Variants in P4HTM observed in about 807,000 individuals in gnomAD.
The protein encoded by P4HTM is prolyl 4-hydroxylase, transmembrane, also known as transmembrane prolyl 4-hydroxylase.
Under a neutral mutation model 55.3 loss-of-function variants are expected in P4HTM, and 33 were observed. The ratio of observed to expected loss-of-function variants is 0.60; its 90% CI spans 0.45 to 0.80. The LOEUF is 0.80. Ranked by LOEUF, P4HTM falls within the 30% of genes least tolerant of loss-of-function variation. The pLI is 0.00. For synonymous variants in P4HTM, 272 were observed against 286.4 expected, an observed-to-expected ratio of 0.95 and a Z score of 0.51; for missense variants, 542 against 696.5, an observed-to-expected ratio of 0.78 and a Z score of 2.50.
At chr3:49,005,412 G>T in intron 6 of P4HTM, 1 of 1,400,880 alleles carries the variant, frequency 7.1e-7, no homozygotes, top group Admixed American at 3.2e-5. Flanking sequence ...CCCCTGTCAA[G>T]CCAGTTCTTT....
intron 2 of P4HTM, 198 bp from the exon 3 acceptor site, chr3:49,001,240 T>G: frequency 1.6e-6 from 1 of 614,544 alleles, no homozygotes; most frequent in Non-Finnish European, 2.9e-6. Flanking sequence ...GGTCCCACAT[T>G]TCCAACGCCA....
chr3:48,990,050 A>C, upstream of P4HTM: 1 of 240,540 alleles, frequency 4.2e-6, no homozygotes, highest in Non-Finnish European at 7.2e-6. This position sits in a 1 kb window ranked among gnomAD's most constrained non-coding sequence, Gnocchi z 7.2. Context: ...CAGCTTGGGA[A>C]GAGAAGCCCC....
At chr3:48,998,677 G>A (rs1003245306) in intron 2 of P4HTM, among the ~76,000 whole-genome samples, 3 of 152,172 alleles carry the variant, frequency 2.0e-5, no homozygotes, top group African/African-American at 7.2e-5. Flanking sequence ...CTTAAAGTGA[G>A]GAAACAGGGC....
At chr3:49,004,699 C>T in intron 5 of P4HTM, 162 bp from the exon 6 acceptor site, 2 of 674,392 alleles carry the variant, frequency 3.0e-6, no homozygotes, top group South Asian at 3.6e-5. Flanking sequence ...TCATGAGTAA[C>T]CCCCTCCTGC....
intron 7 of P4HTM, 75 bp downstream of exon 7, chr3:49,005,942 C>T: frequency 1.3e-6 from 2 of 1,538,880 alleles, no homozygotes; most frequent in South Asian, 2.5e-5. Flanking sequence ...CTCTCCAGGT[C>T]TAAGGATGTG....
intron 2 of P4HTM, among the ~76,000 whole-genome samples, chr3:48,992,542 G>A (rs2092933665): frequency 6.6e-6 from 1 of 151,236 alleles, no homozygotes; most frequent in Non-Finnish European, 1.5e-5. Flanking sequence ...GGAGGCAGAG[G>A]TTGCAGTGAG....
chr3:48,993,859 CAAA>C (rs60867672), intron 2 of P4HTM, among the ~76,000 whole-genome samples: 1 of 43,826 alleles, frequency 2.3e-5, no homozygotes, highest in Non-Finnish European at 4.8e-5. Context: ...GACTCCATCA[CAAA>C]AAAAAAAAAA....
chr3:49,006,904 C>T lies in P4HTM; in HGVS notation c.1506C>T (p.Leu502=), dbSNP rs527458356. 25 of 1,610,958 alleles carry T rather than the reference C, an allele frequency of 1.6e-5. No individual in the cohort carries two copies. In the South Asian group the frequency reaches 2.4e-4, roughly 16 times the overall value. The change falls in exon 9 of 9, where the codon CTC becomes CTT. Residue 502 remains leucine (L), a synonymous_variant. Coordinates refer to ENST00000383729, the MANE Select transcript of P4HTM (RefSeq NM_177939.3). The part of the protein sequence containing the change: ...DRAYRDARVE[L] ...CCTACCGCGATGCGCGCGTGGAACT[C>T]TGAGGGAAGAGTTAGCCCCGGTTCC...
In P4HTM at chr3:49,005,151, G is replaced by A. The variant is rs1157572314; in HGVS notation, c.1073+105G>A. The A allele has an allele frequency of 1.2e-6, 2 of 1,610,248 alleles. No individual in the cohort carries two copies. Among genetic ancestry groups the A allele is most frequent in the Non-Finnish European group, 8.5e-7 (1 of 1,178,764 alleles). ...GGCGTGCCCCTTGGCATGGGGCCAG[G>A]AGATCACTGGGTTATCCCGGTTAGT... On this transcript the variant is annotated intron_variant, in intron 6 of 8. Coordinates refer to ENST00000383729, the MANE Select transcript of P4HTM (RefSeq NM_177939.3).
chr3:49,007,023 C>T lies in P4HTM; in HGVS notation c.*116C>T. ...GTCTGGCCAATGTCTTGCCCCACCCCGCCAGCCGCGATACGGCGCAGTTCC... is the reference window on the plus strand; with the variant it reads ...GTCTGGCCAATGTCTTGCCCCACCCTGCCAGCCGCGATACGGCGCAGTTCC... On this transcript the variant is annotated 3_prime_UTR_variant, in exon 9 of 9. Transcript: ENST00000383729. This position sits in a 1 kb window ranked among gnomAD's most constrained non-coding sequence, Gnocchi z 5.1. The T allele has an allele frequency of 1.2e-6, 1 of 835,850 alleles. No homozygotes were observed. The highest frequency in any genetic ancestry group is 1.9e-6 in the Non-Finnish European group (1 of 534,170). 51.8% of individuals were successfully genotyped at this position (835,850 alleles called of 1,614,324 possible). A position where few individuals can be genotyped will look rare whatever the true frequency, so the allele number is the denominator to read the frequency against.
Position 48,990,914 on chromosome 3 carries a change from G to A in P4HTM, c.436G>A (p.Glu146Lys). 6.2e-7 allele frequency: 1 copy of A among 1,613,040 alleles called. No individual in the cohort carries two copies. Among genetic ancestry groups the A allele is most frequent in the Non-Finnish European group, 8.5e-7 (1 of 1,179,250 alleles). ...RTLSLKPLLF[E>K]IPGFLTDEEC... is the part of the protein sequence containing the mutation. ...CCTCAGCCTCAAGCCGCTGCTCTTC[G>A]GTAAGTCCGCCAGATACTCCTGGGA... is the stretch of plus-strand genomic sequence containing the variant. Residue 146 changes from glutamate (E) to lysine (K), a missense_variant and splice_region_variant, in exon 2 of 9, where the codon GAA becomes AAA. Coordinates refer to ENST00000383729, the MANE Select transcript of P4HTM (RefSeq NM_177939.3). This position sits in a 1 kb window ranked among gnomAD's most constrained non-coding sequence, Gnocchi z 7.2.
In P4HTM at chr3:49,001,395, C is replaced by A. The variant is rs1204770845; in HGVS notation, c.437-43C>A. ...GAGGAAGGTACTGGGTGCACCAGCG[C>A]CCTGGCTCAGTCCTTGGCCTCACCC... On this transcript the variant is annotated intron_variant, in intron 2 of 8. Coordinates refer to ENST00000383729, the MANE Select transcript of P4HTM (RefSeq NM_177939.3). The A allele has an allele frequency of 1.9e-6, 3 of 1,596,310 alleles. No individual in the cohort carries two copies. In the African/African-American group the frequency reaches 4.0e-5, roughly 21 times the overall value.
At chr3:48,996,661 G>C (rs909342808) in intron 2 of P4HTM, among the ~76,000 whole-genome samples, 1 of 152,170 alleles carries the variant, frequency 6.6e-6, no homozygotes, top group Non-Finnish European at 1.5e-5. Flanking sequence ...CGCCTGGCTA[G>C]TTCGAGTTTT....
At chr3:48,995,613 C>T (rs552859535) in intron 2 of P4HTM, among the ~76,000 whole-genome samples, 8 of 151,868 alleles carry the variant, frequency 5.3e-5, no homozygotes, top group South Asian at 2.1e-4. Flanking sequence ...GATGGAGTCT[C>T]GCTCTGTTGC....
rs1250682475 is a variant in P4HTM at position 48,990,521 on chromosome 3, G to A, written c.265G>A (p.Glu89Lys). 3.7e-6 allele frequency: 6 copies of A among 1,611,128 alleles called. No individual in the cohort carries two copies. The highest frequency in any genetic ancestry group is 2.2e-5 in the South Asian group (2 of 90,938). ...CTTCGTGCACTACAGCAACGGCGAC[G>A]AAAGCAGCGATCCCGGGCCCCAACA... Reference protein sequence around the residue: ...LLFVHYSNGDESSDPGPQHRA... With the variant: ...LLFVHYSNGDKSSDPGPQHRA... Residue 89 changes from glutamate (E) to lysine (K), a missense_variant, in exon 1 of 9, where the codon GAA becomes AAA. By Grantham distance (56) the Glu-to-Lys change is moderately conservative. This residue lies in a region of P4HTM where 536 missense variants were observed against 672.1 expected (regional missense o/e 0.80). Coordinates refer to ENST00000383729, the MANE Select transcript of P4HTM (RefSeq NM_177939.3). This position sits in a 1 kb window ranked among gnomAD's most constrained non-coding sequence, Gnocchi z 7.2.
chr3:48,996,819 G>A (rs9848772), intron 2 of P4HTM, among the ~76,000 whole-genome samples: 2,739 of 152,314 alleles, frequency 0.018, 98 homozygotes, highest in African/African-American at 0.062. Context: ...TGTCCAAGGT[G>A]AGCATAGCCC....
chr3:48,991,183 G>A (rs547347023), intron 2 of P4HTM: 4 of 441,348 alleles, frequency 9.1e-6, no homozygotes, highest in Admixed American at 3.6e-5. Flanking sequence ...CCTGTCTTCC[G>A]TGCCACCATT....
chr3:49,005,724 C>A, intron 6 of P4HTM, 53 bp from the exon 7 acceptor site: 1 of 1,549,882 alleles, frequency 6.5e-7, no homozygotes, highest in South Asian at 1.3e-5. Flanking sequence ...ACAGGTAAGC[C>A]CCTGGGAGCA....
chr3:48,994,294 G>A (rs2092939175), intron 2 of P4HTM, among the ~76,000 whole-genome samples: 1 of 152,166 alleles, frequency 6.6e-6, no homozygotes, highest in Non-Finnish European at 1.5e-5. Flanking sequence ...ATCTAAACCT[G>A]TGACCTGCCA....
Sources: gnomAD v4.1 joint callset for allele counts (sites outside exome capture counted in the v4.1 genomes callset) on GRCh38, gnomAD v4.1.1 for gene constraint, gnomAD v4.1.1 regional missense constraint, Gnocchi (gnomAD v3.1) non-coding constraint, MANE v1.5 for transcripts, NCBI Gene and HGNC (gene_info 2026-07-23, HGNC 2026-07-21) for gene names.